PTPRO: variants seen among roughly 807,000 people sequenced by gnomAD.
The protein encoded by PTPRO is receptor-type tyrosine-protein phosphatase O.
In PTPRO, 62 loss-of-function variants were observed where a neutral mutation model predicts 145.2. The ratio of observed to expected loss-of-function variants is 0.43; its 90% CI spans 0.35 to 0.53. The LOEUF (loss-of-function observed/expected upper bound fraction) is 0.53. Among genes scored for constraint, PTPRO ranks in the 20% least tolerant of loss-of-function variants. The pLI, the probability that PTPRO is intolerant of heterozygous loss-of-function variation, is 0.01. For synonymous variants in PTPRO, 565 were observed against 514.7 expected, an observed-to-expected ratio of 1.10 and a Z score of -1.32; for missense variants, 1,345 against 1,482.7, an observed-to-expected ratio of 0.91 and a Z score of 1.53.
At chr12:15,408,245 A>G (rs1036669023) in intron 1 of PTPRO, among the ~76,000 whole-genome samples, 17 of 152,274 alleles carry the variant, frequency 1.1e-4, no homozygotes, top group Middle Eastern at 3.4e-3. Context: ...AAAAAGAAAG[A>G]TAAATTCAGT....
chr12:15,565,649 C>A, intron 18 of PTPRO, 21 bp downstream of exon 18: 2 of 1,388,122 alleles, frequency 1.4e-6, no homozygotes, highest in Non-Finnish European at 2.0e-6. Flanking sequence ...CTTACTATGT[C>A]ATTTAAAAGG....
At position 15,415,606 on chromosome 12, in the gene PTPRO, C is replaced by T. The variant is rs757772957; in HGVS notation, c.76-68368C>T. ...TCACTCATGTTAGCCAGGATGGTCT[C>T]GATCTCCCGACCTTGTGATCCGCCC... On this transcript the variant is annotated intron_variant, in intron 1 of 26. Transcript: ENST00000281171. 6.6e-4 allele frequency among the ~76,000 whole-genome samples: 100 copies of T among 151,692 alleles called. 1 individual carries two copies. Among genetic ancestry groups the T allele is most frequent in the Middle Eastern group, 3.4e-3 (1 of 294 alleles).
chr12:15,550,952 C>T (rs1245465709), intron 14 of PTPRO, among the ~76,000 whole-genome samples: 1 of 152,112 alleles, frequency 6.6e-6, no homozygotes, highest in Non-Finnish European at 1.5e-5. Flanking sequence ...TTCTTCAGGG[C>T]CCTACAACCT....
intron 1 of PTPRO, among the ~76,000 whole-genome samples, chr12:15,369,999 A>C (rs11610901): frequency 0.17 from 25,603 of 151,994 alleles, 5,126 homozygotes; most frequent in African/African-American, 0.48. Context: ...TTGCAGTGAG[A>C]CGAGATCGCC....
At chr12:15,332,998 T>C (rs1443496217) in intron 1 of PTPRO, among the ~76,000 whole-genome samples, 1 of 152,208 alleles carries the variant, frequency 6.6e-6, no homozygotes, top group East Asian at 1.9e-4. Flanking sequence ...AACTTTAAGC[T>C]ATTTACACCA....
At chr12:15,520,079 A>G (rs1942682669) in intron 9 of PTPRO, 122 bp from the exon 10 acceptor site, 1 of 644,182 alleles carries the variant, frequency 1.6e-6, no homozygotes, top group Non-Finnish European at 2.8e-6. Flanking sequence ...TTTAGGAAAC[A>G]CAAAAAGACA....
intron 1 of PTPRO, among the ~76,000 whole-genome samples, chr12:15,474,538 C>T (rs917997006): frequency 2.0e-5 from 3 of 152,096 alleles, no homozygotes; most frequent in Admixed American, 6.6e-5. Context: ...ACATTTGTAC[C>T]GCTGTTCTCT....
At chr12:15,504,249 T>G (rs1371937166) in intron 6 of PTPRO, among the ~76,000 whole-genome samples, 180 bp downstream of exon 6, 2 of 152,208 alleles carry the variant, frequency 1.3e-5, no homozygotes, top group African/African-American at 2.4e-5. Flanking sequence ...GCTTGTTTAA[T>G]AGTAGCAATC....
intron 1 of PTPRO, among the ~76,000 whole-genome samples, chr12:15,330,706 G>T (rs1183068292): frequency 6.6e-6 from 1 of 152,214 alleles, no homozygotes; most frequent in African/African-American, 2.4e-5. Flanking sequence ...TTACAAGGCT[G>T]ATGTTCTGGC....
chr12:15,597,065 G>A lies in PTPRO; in HGVS notation c.*992G>A, dbSNP rs1240280042. On this transcript the variant is annotated 3_prime_UTR_variant, in exon 27 of 27. Transcript: ENST00000281171. ...AAGTTATGGCAATGAACTGCAGCAT[G>A]CTGGGACAATTATTTGACTACTTTT... 2 of 152,634 alleles carry A rather than the reference G, an allele frequency of 1.3e-5. No individual in the cohort carries two copies. The highest frequency in any genetic ancestry group is 4.8e-5 in the African/African-American group (2 of 41,446). 9.5% of individuals were successfully genotyped at this position (152,634 alleles called of 1,614,324 possible).
At chr12:15,592,630 A>G (rs1254212038) in intron 25 of PTPRO, among the ~76,000 whole-genome samples, 5 of 152,226 alleles carry the variant, frequency 3.3e-5, no homozygotes, top group Non-Finnish European at 7.3e-5. Context: ...AAAGAATGCC[A>G]GACCCTGAGG....
intron 1 of PTPRO, among the ~76,000 whole-genome samples, chr12:15,423,947 G>T (rs1181250978): frequency 6.6e-6 from 1 of 152,152 alleles, no homozygotes; most frequent in African/African-American, 2.4e-5. Context: ...GAATTTAAGG[G>T]CACAAGTTAG....
chr12:15,592,418 A>T (rs975273254), intron 25 of PTPRO, among the ~76,000 whole-genome samples: 1 of 152,158 alleles, frequency 6.6e-6, no homozygotes, highest in Non-Finnish European at 1.5e-5. Flanking sequence ...CATCACTGGT[A>T]TCTAATTTTC....
At chr12:15,368,266 C>A (rs989877705) in intron 1 of PTPRO, among the ~76,000 whole-genome samples, 1 of 152,170 alleles carries the variant, frequency 6.6e-6, no homozygotes, top group African/African-American at 2.4e-5. Context: ...ACCACCACCA[C>A]ACCATGCTCC....
chr12:15,511,425 A>T (rs562481966), intron 7 of PTPRO, among the ~76,000 whole-genome samples: 6 of 152,228 alleles, frequency 3.9e-5, no homozygotes, highest in Non-Finnish European at 7.3e-5. Context: ...ATTTATTACC[A>T]AGTCAGGTAA....
intron 9 of PTPRO, 57 bp downstream of exon 9, chr12:15,517,013 G>A (rs1157352289): frequency 7.1e-7 from 1 of 1,411,192 alleles, no homozygotes; most frequent in East Asian, 2.3e-5. Flanking sequence ...AAACCTTTAT[G>A]TACCAAATGT....
At chr12:15,517,429 C>A (rs887962138) in intron 9 of PTPRO, among the ~76,000 whole-genome samples, 1 of 152,180 alleles carries the variant, frequency 6.6e-6, no homozygotes, top group Non-Finnish European at 1.5e-5. Context: ...CCATATTATT[C>A]TGCCCCTTGC....
intron 25 of PTPRO, among the ~76,000 whole-genome samples, chr12:15,594,488 G>A (rs1944616364): frequency 6.6e-6 from 1 of 151,358 alleles, no homozygotes; most frequent in African/African-American, 2.4e-5. Context: ...TAGATCTTAA[G>A]TGTTCTCACC....
intron 4 of PTPRO, 64 bp from the exon 5 acceptor site, chr12:15,501,556 A>G (rs1203161477): frequency 4.2e-6 from 6 of 1,427,044 alleles, no homozygotes; most frequent in Non-Finnish European, 5.9e-6. Flanking sequence ...ACTCATTAAG[A>G]GATTAAGTAT....
Sources: allele counts gnomAD v4.1 joint callset (sites outside exome capture counted in the v4.1 genomes callset), GRCh38; gene constraint gnomAD v4.1.1; transcripts MANE v1.5; gene names NCBI Gene and HGNC (gene_info 2026-07-23, HGNC 2026-07-21).